SUPT6H: variants seen among roughly 807,000 people sequenced by gnomAD.
SUPT6H encodes the protein SPT6 homolog, histone chaperone and transcription elongation factor.
A neutral mutation model predicts 222.3 loss-of-function variants in SUPT6H; 11 were observed. The ratio of observed to expected loss-of-function variants is 0.05; its 90% CI spans 0.03 to 0.08. SUPT6H has a LOEUF of 0.08. Ranked by LOEUF, SUPT6H falls within the 10% of genes least tolerant of loss-of-function variation. The pLI is 1.00. For synonymous variants in SUPT6H, 762 were observed against 801.2 expected, an observed-to-expected ratio of 0.95 and a Z score of 0.83; for missense variants, 1,422 against 2,216.0, an observed-to-expected ratio of 0.64 and a Z score of 7.19.
At chr17:28,684,559 T>C in intron 17 of SUPT6H, 27 bp from the exon 18 acceptor site, 1 of 1,613,808 alleles carries the variant, frequency 6.2e-7, no homozygotes, top group Non-Finnish European at 8.5e-7. Context: ...ATCATGTATG[T>C]AATACCTGTT....
Position 28,690,944 on chromosome 17 carries a change from A to G in SUPT6H, c.3514A>G (p.Thr1172Ala). 6.2e-7 allele frequency: 1 copy of G among 1,613,744 alleles called. No individual in the cohort carries two copies. Among genetic ancestry groups the G allele is most frequent in the Non-Finnish European group, 8.5e-7 (1 of 1,180,016 alleles). Residue 1172 changes from threonine to alanine, a missense_variant, in exon 27 of 37, where the codon ACT (threonine) becomes GCT (alanine). Physicochemically the swap from Thr to Ala is moderately conservative, Grantham distance 58. This residue lies in a region of SUPT6H where 60 missense variants were observed against 96.7 expected (regional missense o/e 0.62). Coordinates refer to ENST00000314616, the MANE Select transcript of SUPT6H (RefSeq NM_003170.5). ...AGGAAAGCTCATCATCTGCAATGTCACTGGCATTGCCCACAGGCGTCCCCA... is the reference window on the plus strand; with the variant it reads ...AGGAAAGCTCATCATCTGCAATGTCGCTGGCATTGCCCACAGGCGTCCCCA... ...YIGKLIICNVTGIAHRRPQGE... is the reference protein window; with the variant it reads ...YIGKLIICNVAGIAHRRPQGE...
rs1245396946 is a variant in SUPT6H, at chr17:28,682,728, T to C, written c.1599T>C (p.Asp533=). The C allele has an allele frequency of 1.9e-6, 3 of 1,614,174 alleles. No homozygotes were observed. The highest frequency in any genetic ancestry group is 2.5e-6 in the Non-Finnish European group (3 of 1,180,006). Residue 533 remains aspartate (D), a splice_region_variant and synonymous_variant, in exon 14 of 37, where the codon GAT becomes GAC. Transcript: ENST00000314616. ...CCTTCACTCTTCTGTTTGCTTTAGATGGCCTGGCCAAAAAGTTTGGGCTTA... is the reference window on the plus strand; with the variant it reads ...CCTTCACTCTTCTGTTTGCTTTAGACGGCCTGGCCAAAAAGTTTGGGCTTA... ...MYTICQSAGL[D]GLAKKFGLTP...
At chr17:28,664,473 C>G in intron 1 of SUPT6H, among the ~76,000 whole-genome samples, 1 of 152,194 alleles carries the variant, frequency 6.6e-6, no homozygotes, top group East Asian at 1.9e-4. Flanking sequence ...CCACTGCACT[C>G]CAGCATGGGC....
chr17:28,676,574 G>A, intron 7 of SUPT6H, 144 bp downstream of exon 7: 1 of 1,293,540 alleles, frequency 7.7e-7, no homozygotes, highest in South Asian at 1.5e-5. Context: ...AGCTCTTAGA[G>A]AAGGGAAGAT....
chr17:28,698,442 G>A (rs922393037), intron 32 of SUPT6H, among the ~76,000 whole-genome samples: 4 of 152,218 alleles, frequency 2.6e-5, no homozygotes, highest in South Asian at 2.1e-4. Context: ...GCACTGAAGC[G>A]GTGGTCAGGA....
Position 28,690,058 on chromosome 17 carries a change from C to G in SUPT6H, c.3343-24C>G, listed in dbSNP as rs1276713598. ...CAGGTTGGGGGGCAGCTGCAAGGCT[C>G]TTCTTGATGGGCTTCTTCCCCAGGG... On this transcript the variant is annotated intron_variant, in intron 25 of 36. Coordinates refer to ENST00000314616, the MANE Select transcript of SUPT6H (RefSeq NM_003170.5). The G allele has an allele frequency of 1.9e-6, 3 of 1,601,130 alleles. No individual in the cohort carries two copies. The East Asian group carries it at 6.7e-5, about 36-fold the overall frequency.
chr17:28,677,684 C>T, intron 7 of SUPT6H, 31 bp from the exon 8 acceptor site: 1 of 1,496,104 alleles, frequency 6.7e-7, no homozygotes, highest in Non-Finnish European at 9.2e-7. Flanking sequence ...AAGATAAAGT[C>T]CGTCTCACCC....
Position 28,681,243 on chromosome 17 carries a change from T to G in SUPT6H, c.1350-13T>G. The G allele has an allele frequency of 6.2e-7, 1 of 1,613,466 alleles. No homozygotes were observed. The highest frequency in any genetic ancestry group is 8.5e-7 in the Non-Finnish European group (1 of 1,179,902). Reference sequence around the variant, plus strand: ...GCAGTGATGACTGAAACCTTATGTCTCTTCTTTTTCAGGCTCAAGGATGTC... The same window carrying G: ...GCAGTGATGACTGAAACCTTATGTCGCTTCTTTTTCAGGCTCAAGGATGTC... On this transcript the variant is annotated splice_polypyrimidine_tract_variant and intron_variant, in intron 11 of 36. Coordinates refer to ENST00000314616, the MANE Select transcript of SUPT6H (RefSeq NM_003170.5).
rs754707760 is a variant in SUPT6H, at chr17:28,695,326, C to G, written c.3775-26C>G. 3 of 1,604,720 alleles carry G rather than the reference C, an allele frequency of 1.9e-6. No individual in the cohort carries two copies. In the Admixed American group the frequency reaches 5.1e-5, roughly 27 times the overall value. ...TCGGGCTAGATCATCTTTGTCCCTTCCAGCTCAAATGTTCTGTGGATCTAG... is the reference window on the plus strand; with the variant it reads ...TCGGGCTAGATCATCTTTGTCCCTTGCAGCTCAAATGTTCTGTGGATCTAG... On this transcript the variant is annotated intron_variant, in intron 28 of 36. Transcript: ENST00000314616.
At chr17:28,674,208 A>G (rs2030599517) in intron 2 of SUPT6H, 75 bp from the exon 3 acceptor site, 1 of 1,568,894 alleles carries the variant, frequency 6.4e-7, no homozygotes, top group Non-Finnish European at 8.7e-7. Flanking sequence ...CAAATGGATA[A>G]TCACATTAAT....
At position 28,676,442 on chromosome 17, in the gene SUPT6H, C is replaced by T; in HGVS notation, c.897+12C>T. The T allele has an allele frequency of 6.2e-7, 1 of 1,613,222 alleles. No individual in the cohort carries two copies. On this transcript the variant is annotated intron_variant, in intron 7 of 36. Transcript: ENST00000314616. ...CTGAGAGGTTCCAGGTAAAAAACCACCAGCCTCTGCTCTTCTACCAATCCA... is the reference window on the plus strand; with the variant it reads ...CTGAGAGGTTCCAGGTAAAAAACCATCAGCCTCTGCTCTTCTACCAATCCA...
rs371938421 is a variant in SUPT6H at position 28,679,228 on chromosome 17, CTGGGAGCAG to C, written c.1349+269_1349+277del. Among the ~76,000 whole-genome samples, 416 of 152,302 alleles carry C rather than the reference CTGGGAGCAG, an allele frequency of 2.7e-3. 3 individuals are homozygous for C. Among genetic ancestry groups the C allele is most frequent in the African/African-American group, 9.6e-3 (400 of 41,550 alleles). ...CTCTACTAAAAATACAAAAAATTAG[CTGGGAGCAG>C]TGGCACACGCCTGTAATCCCAGCTA... On this transcript the variant is annotated intron_variant, in intron 11 of 36. Transcript: ENST00000314616.
At chr17:28,664,776 A>G (rs900100244) in intron 1 of SUPT6H, among the ~76,000 whole-genome samples, 1 of 152,204 alleles carries the variant, frequency 6.6e-6, no homozygotes, top group African/African-American at 2.4e-5. Flanking sequence ...TGCAAACCTT[A>G]TCCTCCCGTT....
intron 5 of SUPT6H, 52 bp downstream of exon 5, chr17:28,675,214 C>A: frequency 6.4e-7 from 1 of 1,557,366 alleles, no homozygotes; most frequent in Non-Finnish European, 8.7e-7. Flanking sequence ...TTGGGATTTC[C>A]TGGCCCATGG....
Position 28,697,924 on chromosome 17 carries a change from A to G in SUPT6H, c.4342A>G (p.Ile1448Val). 1.9e-6 allele frequency: 3 copies of G among 1,614,126 alleles called. No homozygotes were observed. Among genetic ancestry groups the G allele is most frequent in the Non-Finnish European group, 2.5e-6 (3 of 1,180,022 alleles). Residue 1448 changes from isoleucine (I) to valine (V), a missense_variant, in exon 32 of 37, where the codon ATC becomes GTC. Ile to Val is a conservative substitution (Grantham distance 29). Transcript: ENST00000314616. ...CCCCCAGAAATTAGAGGAGCTGCTC[A>G]TCAAAACTAAGAAGGAGAAGCCCAC... is the stretch of plus-strand genomic sequence containing the variant. The part of the protein sequence containing the change: ...GDRKKLEELL[I>V]KTKKEKPTFI...
At chr17:28,672,320 T>A (rs1355236691) in intron 1 of SUPT6H, among the ~76,000 whole-genome samples, 1 of 152,236 alleles carries the variant, frequency 6.6e-6, no homozygotes, top group East Asian at 1.9e-4. Context: ...CCCATTCCTG[T>A]CTTCAAATGG....
chr17:28,680,603 TAAATA>T (rs1329788535), intron 11 of SUPT6H, among the ~76,000 whole-genome samples: 1 of 152,116 alleles, frequency 6.6e-6, no homozygotes, highest in African/African-American at 2.4e-5. Context: ...CTCAAAAAAA[TAAATA>T]AATACGATAT....
Position 28,676,366 on chromosome 17 carries a change from A to C in SUPT6H, c.833A>C (p.Glu278Ala). The change falls in exon 7 of 37, where the codon GAA becomes GCA. Residue 278 changes from glutamate (E) to alanine (A), a missense_variant. Coordinates refer to ENST00000314616, the MANE Select transcript of SUPT6H (RefSeq NM_003170.5). ...IFEMYEPSELESSHLTDQDNE... is the reference protein window; with the variant it reads ...IFEMYEPSELASSHLTDQDNE... ...GAAATGTATGAGCCCAGTGAGCTAG[A>C]AAGCAGCCACCTCACAGATCAGGAC... is the stretch of plus-strand genomic sequence containing the variant. The C allele has an allele frequency of 6.2e-7, 1 of 1,613,888 alleles. No individual in the cohort carries two copies. The highest frequency in any genetic ancestry group is 8.5e-7 in the Non-Finnish European group (1 of 1,180,000).
rs1485311794 is a variant in SUPT6H at position 28,697,694 on chromosome 17, T to C, written c.4284T>C (p.Asn1428=). 2 of 1,614,110 alleles carry C rather than the reference T, an allele frequency of 1.2e-6. No homozygotes were observed. ...CATCCTTTGCCCGGGACCTTCTGAA[T>C]CACAAGTATTATCAGGACTGCAGCG... The part of the protein sequence containing the change: ...PMASFARDLL[N]HKYYQDCSGG... The change falls in exon 31 of 37, where the codon AAT becomes AAC. Residue 1428 remains asparagine, a synonymous_variant. Coordinates refer to ENST00000314616, the MANE Select transcript of SUPT6H (RefSeq NM_003170.5).
Sources: allele counts gnomAD v4.1 joint callset (sites outside exome capture counted in the v4.1 genomes callset), GRCh38; gene constraint gnomAD v4.1.1; regional missense constraint gnomAD v4.1.1; transcripts MANE v1.5; gene names NCBI Gene and HGNC (gene_info 2026-07-23, HGNC 2026-07-21).